The following ANKS6 variants were observed in gnomAD, a reference collection of about 807,000 sequenced individuals.
ANKS6 encodes ankyrin repeat and SAM domain-containing protein 6.
In ANKS6, 47 loss-of-function variants were observed where a neutral mutation model predicts 77.9. The ratio of observed to expected loss-of-function variants is 0.60; its 90% CI spans 0.48 to 0.77. The LOEUF (loss-of-function observed/expected upper bound fraction) is 0.77. ANKS6 is among the 30% of genes least tolerant of loss of function. The pLI is 0.00. For missense variants in ANKS6, 1,150 were observed against 1,159.1 expected, an observed-to-expected ratio of 0.99 and a Z score of 0.11; for synonymous variants, 488 against 501.7, an observed-to-expected ratio of 0.97 and a Z score of 0.37.
Position 98,735,828 on chromosome 9 carries a change from GCAGCAGGTGCAGTGGAATGCTA to G in ANKS6, c.*669_*690del. 1.6e-6 allele frequency: 2 copies of G among 1,231,750 alleles called. No individual in the cohort carries two copies. The highest frequency in any genetic ancestry group is 2.0e-6 in the Non-Finnish European group (2 of 987,982). 76.3% of individuals were successfully genotyped at this position (1,231,750 alleles called of 1,614,324 possible). A position where few individuals can be genotyped will look rare whatever the true frequency, so the allele number is the denominator to read the frequency against. The stretch of plus-strand genomic sequence containing the variant: ...TACACATCTCCAATGTAAGCTGTAT[GCAGCAGGTGCAGTGGAATGCTA>G]CAGCAGTCACATACACAGCACTAAG... On this transcript the variant is annotated 3_prime_UTR_variant, in exon 15 of 15. Coordinates refer to ENST00000353234, the MANE Select transcript of ANKS6 (RefSeq NM_173551.5).
Position 98,773,881 on chromosome 9 carries a change from T to C in ANKS6, c.1817A>G (p.Asp606Gly), listed in dbSNP as rs757021075. Residue 606 changes from aspartate to glycine, a missense_variant, in exon 9 of 15, where the codon GAC becomes GGC. Transcript: ENST00000353234. Reference sequence around the variant, plus strand: ...GTGTGTCAGAAGACAACTTACAGTGTCTGTGCCCCCGCCGCCCACGGGGTG... The same window carrying C: ...GTGTGTCAGAAGACAACTTACAGTGCCTGTGCCCCCGCCGCCCACGGGGTG... Reference protein sequence around the residue: ...RGHPVGGGGTDTTPVRPVKFP... With the variant: ...RGHPVGGGGTGTTPVRPVKFP... 1.5e-5 allele frequency: 23 copies of C among 1,553,652 alleles called. No homozygotes were observed. The highest frequency in any genetic ancestry group is 9.4e-5 in the Admixed American group (5 of 52,984).
intron 8 of ANKS6, among the ~76,000 whole-genome samples, chr9:98,774,513 C>T (rs1009577893): frequency 5.9e-5 from 9 of 151,910 alleles, no homozygotes; most frequent in African/African-American, 1.9e-4. Context: ...GAGTGAGGGG[C>T]CAGAATATGG....
chr9:98,785,221 A>T (rs990864661), intron 2 of ANKS6, among the ~76,000 whole-genome samples: 11 of 152,218 alleles, frequency 7.2e-5, no homozygotes, highest in Non-Finnish European at 2.9e-5. Flanking sequence ...AAAATCCTGG[A>T]TTCCCATGGA....
At chr9:98,763,428 T>G (rs1324978959) in intron 11 of ANKS6, among the ~76,000 whole-genome samples, 1 of 151,998 alleles carries the variant, frequency 6.6e-6, no homozygotes, top group Non-Finnish European at 1.5e-5. Flanking sequence ...AAGGGGAAAA[T>G]ATTTTGAATG....
intron 14 of ANKS6, among the ~76,000 whole-genome samples, chr9:98,745,075 T>A (rs1470117291): frequency 6.6e-6 from 1 of 152,182 alleles, no homozygotes; most frequent in Non-Finnish European, 1.5e-5. Context: ...ATGAGAAATT[T>A]AACATGAGAC....
chr9:98,784,849 A>G lies in ANKS6; in HGVS notation c.890T>C (p.Phe297Ser). Residue 297 changes from phenylalanine (F) to serine (S), a missense_variant, in exon 3 of 15, where the codon TTC (phenylalanine) becomes TCC (serine). Transcript: ENST00000353234. The part of the protein sequence containing the change: ...TDEEKRRPDI[F>S]HALKMGNFQL... ...GCGCTTACCCATTTTCAATGCATGG[A>G]AAATATCAGGTCGCCTTTTCTCCTC... is the stretch of plus-strand genomic sequence containing the variant. 4 of 1,613,564 alleles carry G rather than the reference A, an allele frequency of 2.5e-6. No homozygotes were observed. Among genetic ancestry groups the G allele is most frequent in the Non-Finnish European group, 3.4e-6 (4 of 1,179,892 alleles).
At position 98,745,561 on chromosome 9, in the gene ANKS6, T is replaced by A; in HGVS notation, c.2509A>T (p.Lys837Ter). The change falls in exon 14 of 15, where the codon AAG becomes TAG. Residue 837 changes from lysine to a stop codon, truncating the protein, a stop_gained and splice_region_variant. Transcript: ENST00000353234. LOFTEE classifies it high-confidence loss of function. The stretch of plus-strand genomic sequence containing the variant: ...ATACAAGAAACAGAGAACGGTACCT[T>A]GCCTGCGTTCAGTTCAGAAATCGCT... ...LAAISELNAGKGRERQILQET... is the reference protein window; with the variant it reads ...LAAISELNAG The A allele has an allele frequency of 1.9e-6, 3 of 1,611,202 alleles. No individual in the cohort carries two copies. Among genetic ancestry groups the A allele is most frequent in the Non-Finnish European group, 2.5e-6 (3 of 1,177,274 alleles).
chr9:98,762,945 C>T (rs901436914), intron 11 of ANKS6, among the ~76,000 whole-genome samples: 1 of 151,908 alleles, frequency 6.6e-6, no homozygotes, highest in Admixed American at 6.6e-5. Flanking sequence ...GTCAATTCTC[C>T]AAGACATGCA....
intron 10 of ANKS6, among the ~76,000 whole-genome samples, chr9:98,770,140 T>C (rs1048425524): frequency 2.6e-5 from 4 of 152,126 alleles, no homozygotes; most frequent in Admixed American, 2.0e-4. Flanking sequence ...GTCTCTCCTG[T>C]GCTGTTCCCA....
intron 12 of ANKS6, among the ~76,000 whole-genome samples, chr9:98,755,829 A>G (rs1018806357): frequency 6.6e-6 from 1 of 152,186 alleles, no homozygotes; most frequent in African/African-American, 2.4e-5. Flanking sequence ...AGCCAAGCCA[A>G]TGGCCTTTAC....
intron 6 of ANKS6, among the ~76,000 whole-genome samples, chr9:98,779,776 G>A (rs1834131819): frequency 6.6e-6 from 1 of 152,000 alleles, no homozygotes; most frequent in South Asian, 2.1e-4. Context: ...CCATTCTCCT[G>A]CCTCAGCCTC....
intron 11 of ANKS6, 102 bp downstream of exon 11, chr9:98,767,979 T>C (rs991145030): frequency 5.7e-5 from 83 of 1,446,896 alleles, no homozygotes; most frequent in Non-Finnish European, 3.9e-5. Context: ...CTGTCTTTAG[T>C]CCTGTCCCAT....
chr9:98,791,687 C>T lies in ANKS6; in HGVS notation c.360-1081G>A, dbSNP rs1356528007. 1.3e-5 allele frequency among the ~76,000 whole-genome samples: 2 copies of T among 152,128 alleles called. No homozygotes were observed. The highest frequency in any genetic ancestry group is 2.9e-5 in the Non-Finnish European group (2 of 68,028). On this transcript the variant is annotated intron_variant, in intron 1 of 14. Transcript: ENST00000353234. The surrounding 1 kb of genome is among the most constrained non-coding windows in gnomAD (Gnocchi z 4.3). Reference sequence around the variant, plus strand: ...TGTCATGTCTGCATCTGTGAGGCAGCTTTCTGGGTTTCTCGATGCTCAGCC... The same window carrying T: ...TGTCATGTCTGCATCTGTGAGGCAGTTTTCTGGGTTTCTCGATGCTCAGCC...
At chr9:98,776,769 T>C (rs1457393681) in intron 8 of ANKS6, among the ~76,000 whole-genome samples, 2 of 152,196 alleles carry the variant, frequency 1.3e-5, no homozygotes, top group Non-Finnish European at 2.9e-5. Flanking sequence ...TCTCTCCTGC[T>C]GGCTGGAATG....
At position 98,734,766 on chromosome 9, in the gene ANKS6, C is replaced by T. The variant is rs1588305473; in HGVS notation, c.*1753G>A. 2.0e-6 allele frequency: 2 copies of T among 983,520 alleles called. No homozygotes were observed. The highest frequency in any genetic ancestry group is 3.5e-5 in the African/African-American group (2 of 57,288). The allele number at this position is 983,520 out of a possible 1,614,324, so 60.9% of individuals were successfully genotyped here. A position where few individuals can be genotyped will look rare whatever the true frequency, so the allele number is the denominator to read the frequency against. On this transcript the variant is annotated 3_prime_UTR_variant, in exon 15 of 15. Transcript: ENST00000353234. ...GGATGAAATGACAAAGGTAAAGCTG[C>T]CAGCACATAGTAGGGGATGAATGAG...
intron 1 of ANKS6, among the ~76,000 whole-genome samples, chr9:98,794,148 C>CAAAAAAAAAAAAAAAAAAAAA (rs375021953): frequency 9.1e-6 from 1 of 109,994 alleles, no homozygotes; most frequent in Non-Finnish European, 1.8e-5. Flanking sequence ...GACTCCGTCT[C>CAAAAAAAAAAAAAAAAAAAAA]AAAAAAAAAA....
chr9:98,782,423 G>A (rs769023618), intron 5 of ANKS6, 44 bp downstream of exon 5: 2 of 1,562,378 alleles, frequency 1.3e-6, no homozygotes, highest in Non-Finnish European at 1.8e-6. Context: ...CCCAGTCCAA[G>A]AAACGCTGGG....
chr9:98,740,455 A>G (rs933782760), intron 14 of ANKS6, among the ~76,000 whole-genome samples: 9 of 152,372 alleles, frequency 5.9e-5, no homozygotes, highest in Middle Eastern at 3.4e-3. Flanking sequence ...TCCGCTAAGT[A>G]TCTGTCAAAT....
intron 10 of ANKS6, among the ~76,000 whole-genome samples, chr9:98,770,113 T>C (rs918349075): frequency 2.0e-5 from 3 of 152,124 alleles, no homozygotes; most frequent in Admixed American, 6.5e-5. Context: ...ATGGAGGTAA[T>C]TGAATCATGG....
Sources: gnomAD v4.1 joint callset for allele counts (sites outside exome capture counted in the v4.1 genomes callset) on GRCh38, gnomAD v4.1.1 for gene constraint, Gnocchi (gnomAD v3.1) non-coding constraint, MANE v1.5 for transcripts, NCBI Gene and HGNC (gene_info 2026-07-23, HGNC 2026-07-21) for gene names.